Variants in MKLN1 observed in about 807,000 individuals in gnomAD.
The protein encoded by MKLN1 is muskelin 1, also known as muskelin.
A neutral mutation model predicts 99.0 loss-of-function variants in MKLN1; 18 were observed. The ratio of observed to expected loss-of-function variants is 0.18; its 90% CI spans 0.13 to 0.27. The LOEUF (loss-of-function observed/expected upper bound fraction) is 0.27, where lower values mean the gene tolerates loss of function less well. Among genes scored for constraint, MKLN1 ranks in the 10% least tolerant of loss-of-function variants. MKLN1 has a pLI of 1.00. For synonymous variants in MKLN1, 288 were observed against 293.2 expected (o/e 0.98, Z 0.18); for missense variants, 621 against 875.9 (o/e 0.71, Z 3.67).
chr7:131,351,927 T>G (rs1799731708), intron 1 of MKLN1, among the ~76,000 whole-genome samples: 1 of 152,172 alleles, frequency 6.6e-6, no homozygotes, highest in Admixed American at 6.5e-5. Context: ...ATCTTACCAT[T>G]CCTTTCACAT....
At chr7:131,447,918 A>G (rs776478545) in intron 12 of MKLN1, among the ~76,000 whole-genome samples, 2 of 152,130 alleles carry the variant, frequency 1.3e-5, no homozygotes, top group Non-Finnish European at 2.9e-5. Flanking sequence ...ATGCTAAACT[A>G]CTGCCCAAGA....
upstream of MKLN1, chr7:131,323,841 G>A (rs921666693): frequency 6.6e-6 from 1 of 152,114 alleles, no homozygotes; most frequent in African/African-American, 2.4e-5. Context: ...TCAAGGTATG[G>A]GGGACCAGAC....
intron 1 of MKLN1, among the ~76,000 whole-genome samples, chr7:131,335,217 A>G (rs1584617075): frequency 6.6e-6 from 1 of 152,172 alleles, no homozygotes; most frequent in East Asian, 1.9e-4. Context: ...GTTTAATGAG[A>G]ACTTCAGGAC....
chr7:131,161,697 G>A (rs546659367), intron 2 of MKLN1, among the ~76,000 whole-genome samples: 14 of 151,756 alleles, frequency 9.2e-5, no homozygotes, highest in Non-Finnish European at 1.9e-4. Flanking sequence ...GACTACAGGC[G>A]CCCGCCACCA....
chr7:131,364,991 A>T (rs1800137723), intron 1 of MKLN1, among the ~76,000 whole-genome samples: 2 of 152,122 alleles, frequency 1.3e-5, no homozygotes, highest in Admixed American at 6.5e-5. Context: ...CAATAATGGG[A>T]TTGCTGGGTT....
At chr7:131,121,772 G>A (rs187048487) in intron 1 of MKLN1, among the ~76,000 whole-genome samples, 9 of 152,176 alleles carry the variant, frequency 5.9e-5, no homozygotes, top group Admixed American at 2.0e-4. Flanking sequence ...CCCCTGCAGA[G>A]TTGTAGATAT....
intron 9 of MKLN1, among the ~76,000 whole-genome samples, chr7:131,430,214 A>G (rs1269884551): frequency 6.6e-6 from 1 of 152,140 alleles, no homozygotes; most frequent in Non-Finnish European, 1.5e-5. Context: ...GGCCATTTCC[A>G]AAGATCTAGT....
chr7:131,480,874 T>G (rs1481599800), intron 17 of MKLN1, among the ~76,000 whole-genome samples: 2 of 152,378 alleles, frequency 1.3e-5, no homozygotes, highest in African/African-American at 4.8e-5. Flanking sequence ...AAACTATCTC[T>G]AACTGACTTA....
chr7:131,339,870 T>C (rs1002939119), intron 1 of MKLN1, among the ~76,000 whole-genome samples: 3 of 152,222 alleles, frequency 2.0e-5, no homozygotes, highest in African/African-American at 7.2e-5. Context: ...ACTTTGGTTT[T>C]GTAAATGTTA....
chr7:131,376,027 C>G (rs1793635949), intron 2 of MKLN1, among the ~76,000 whole-genome samples: 1 of 147,470 alleles, frequency 6.8e-6, no homozygotes, highest in African/African-American at 2.5e-5. Context: ...GAAATTAATG[C>G]TCTGCTAGGT....
intron 2 of MKLN1, among the ~76,000 whole-genome samples, chr7:131,189,898 G>A (rs1796509226): frequency 8.2e-6 from 1 of 121,484 alleles, no homozygotes; most frequent in Non-Finnish European, 1.8e-5. Context: ...TTTATAGGAG[G>A]GCTGGGGGCA....
intron 1 of MKLN1, among the ~76,000 whole-genome samples, chr7:131,352,687 G>A (rs950622263): frequency 3.3e-5 from 5 of 151,970 alleles, no homozygotes; most frequent in African/African-American, 7.3e-5. Context: ...TCTTTTTGCC[G>A]TTAGACTGTT....
At chr7:131,465,771 CCTCATGA>C (rs1296578318) in intron 14 of MKLN1, among the ~76,000 whole-genome samples, 4 of 152,108 alleles carry the variant, frequency 2.6e-5, no homozygotes, top group Non-Finnish European at 5.9e-5. Context: ...AATCTCCTGA[CCTCATGA>C]TCCGCCTGCC....
chr7:131,255,297 TC>T (rs1306481623), intron 3 of MKLN1, among the ~76,000 whole-genome samples: 2 of 151,902 alleles, frequency 1.3e-5, no homozygotes, highest in Admixed American at 6.6e-5. Context: ...TTCAAGTAAC[TC>T]CAAATACAAT....
At chr7:131,121,151 GA>G (rs1327284046) in intron 1 of MKLN1, among the ~76,000 whole-genome samples, 2 of 152,170 alleles carry the variant, frequency 1.3e-5, no homozygotes, top group East Asian at 3.8e-4. Context: ...AAGACAGGGT[GA>G]AGGGGGAAGT....
intron 17 of MKLN1, among the ~76,000 whole-genome samples, chr7:131,482,852 G>A (rs754037987): frequency 6.6e-6 from 1 of 152,154 alleles, no homozygotes; most frequent in Non-Finnish European, 1.5e-5. Context: ...ATGTCTTAAC[G>A]CATGATTATC....
At chr7:131,305,403 G>A (rs1798439053) in intron 3 of MKLN1, among the ~76,000 whole-genome samples, 1 of 152,168 alleles carries the variant, frequency 6.6e-6, no homozygotes, top group Non-Finnish European at 1.5e-5. Context: ...TTCCCATATA[G>A]CAACTTATTT....
chr7:131,434,340 CT>C (rs1795616268), intron 9 of MKLN1, among the ~76,000 whole-genome samples: 1 of 152,016 alleles, frequency 6.6e-6, no homozygotes, highest in Non-Finnish European at 1.5e-5. Context: ...GTGTATTTTG[CT>C]TTTTGTGCTA....
chr7:131,396,664 A>T (rs1313646623), intron 4 of MKLN1, among the ~76,000 whole-genome samples: 1 of 152,156 alleles, frequency 6.6e-6, no homozygotes, highest in Non-Finnish European at 1.5e-5. Flanking sequence ...AAGTCATCAA[A>T]TGTGTTTTTT....
Sources: gnomAD v4.1 joint callset for allele counts (sites outside exome capture counted in the v4.1 genomes callset) on GRCh38, gnomAD v4.1.1 for gene constraint, MANE v1.5 for transcripts, NCBI Gene and HGNC (gene_info 2026-07-23, HGNC 2026-07-21) for gene names.